Variants in KDM2A observed in about 807,000 individuals in gnomAD.
The protein encoded by KDM2A is lysine-specific demethylase 2A.
In KDM2A, 3 loss-of-function variants were observed where a neutral mutation model predicts 137.3. The ratio of observed to expected loss-of-function variants is 0.02; its 90% confidence interval spans 0.01 to 0.06. The LOEUF (loss-of-function observed/expected upper bound fraction) is 0.06. KDM2A is among the 10% of genes least tolerant of loss of function. The pLI, the probability that KDM2A is intolerant of heterozygous loss-of-function variation, is 1.00. For synonymous variants in KDM2A, 512 were observed against 541.5 expected (o/e 0.95, Z 0.76); for missense variants, 738 against 1,510.6 (o/e 0.49, Z 8.48).
chr11:67,203,432 AAAT>A (rs201251880), intron 5 of KDM2A, among the ~76,000 whole-genome samples: 105,617 of 144,288 alleles, frequency 0.73, 44,122 homozygotes, highest in Non-Finnish European at 0.94. Flanking sequence ...AGTCTATAAT[AAAT>A]AATATATTAA....
chr11:67,192,607 G>T (rs539415865), intron 5 of KDM2A, among the ~76,000 whole-genome samples: 21 of 151,446 alleles, frequency 1.4e-4, no homozygotes, highest in Non-Finnish European at 2.5e-4. Context: ...ACCATGCCTG[G>T]TCAATTTTGT....
chr11:67,254,138 T>A lies in KDM2A; in HGVS notation c.3092-65T>A. The A allele has an allele frequency of 2.7e-6, 4 of 1,459,140 alleles. No individual in the cohort carries two copies. The highest frequency in any genetic ancestry group is 3.8e-6 in the Non-Finnish European group (4 of 1,066,328). 90.4% of individuals were successfully genotyped at this position (1,459,140 alleles called of 1,614,324 possible). ...TGGCCAGCAAGTAGCTGTTGCTGCCTGGAGCCTTGAAGCTGGATTAGAGAA... is the reference window on the plus strand; with the variant it reads ...TGGCCAGCAAGTAGCTGTTGCTGCCAGGAGCCTTGAAGCTGGATTAGAGAA... On this transcript the variant is annotated intron_variant, in intron 19 of 20. Transcript: ENST00000529006. This position sits in a 1 kb window ranked among gnomAD's most constrained non-coding sequence, Gnocchi z 4.7.
At position 67,245,028 on chromosome 11, in the gene KDM2A, G is replaced by C; in HGVS notation, c.1564-161G>C. On this transcript the variant is annotated intron_variant, in intron 13 of 20. Transcript: ENST00000529006. The surrounding 1 kb of genome is among the most constrained non-coding windows in gnomAD (Gnocchi z 4.1). The stretch of plus-strand genomic sequence containing the variant: ...GCAGCCATTGATAATACATACACAA[G>C]ATGAGTTGTGTGTCAATAAAATTTA... 1 of 674,166 alleles carries C rather than the reference G, an allele frequency of 1.5e-6. No homozygotes were observed. The highest frequency in any genetic ancestry group is 2.5e-6 in the Non-Finnish European group (1 of 397,940). The allele number at this position is 674,166 out of a possible 1,614,324, so 41.8% of individuals were successfully genotyped here.
At chr11:67,159,937 T>G (rs1856599293) in intron 2 of KDM2A, among the ~76,000 whole-genome samples, 1 of 152,146 alleles carries the variant, frequency 6.6e-6, no homozygotes, top group Non-Finnish European at 1.5e-5. Context: ...AGATGGATAG[T>G]GGTATTGATT....
intron 2 of KDM2A, among the ~76,000 whole-genome samples, chr11:67,134,725 G>A (rs1157681988): frequency 1.3e-5 from 2 of 151,914 alleles, no homozygotes; most frequent in African/African-American, 4.8e-5. Flanking sequence ...GGCTGGTCTC[G>A]AACTTCTGAC....
At chr11:67,216,065 C>T (rs1031030237) in intron 8 of KDM2A, 116 bp downstream of exon 8, 23 of 795,084 alleles carry the variant, frequency 2.9e-5, no homozygotes, top group African/African-American at 6.8e-5. Context: ...TGTCCCCATT[C>T]GTATCTGGAA....
intron 2 of KDM2A, among the ~76,000 whole-genome samples, chr11:67,166,742 A>AGG (rs1461742423): frequency 6.6e-6 from 1 of 152,040 alleles, no homozygotes; most frequent in Non-Finnish European, 1.5e-5. Flanking sequence ...GGGACCAAGA[A>AGG]GGGAGTACAC....
At position 67,254,522 on chromosome 11, in the gene KDM2A, ACATC is replaced by A; in HGVS notation, c.3307+105_3307+108del. ...TGACCTTGGGTCTGTTGATTGACCCACATCAGCTCATTTCTTCACATCTGGACAA... is the reference window on the plus strand; with the variant it reads ...TGACCTTGGGTCTGTTGATTGACCCAAGCTCATTTCTTCACATCTGGACAA... On this transcript the variant is annotated intron_variant, in intron 20 of 20. Transcript: ENST00000529006. This position sits in a 1 kb window ranked among gnomAD's most constrained non-coding sequence, Gnocchi z 4.7. 1.1e-6 allele frequency: 1 copy of A among 947,454 alleles called. No homozygotes were observed. Among genetic ancestry groups the A allele is most frequent in the Non-Finnish European group, 1.7e-6 (1 of 596,586 alleles). 58.7% of individuals were successfully genotyped at this position (947,454 alleles called of 1,614,324 possible).
intron 2 of KDM2A, among the ~76,000 whole-genome samples, chr11:67,147,812 C>T (rs7938436): frequency 1.3e-4 from 19 of 151,624 alleles, no homozygotes; most frequent in Middle Eastern, 3.4e-3. Flanking sequence ...CAAGTAGCTG[C>T]GATTACAGGC....
At chr11:67,197,517 G>T (rs1857510987) in intron 5 of KDM2A, among the ~76,000 whole-genome samples, 2 of 152,134 alleles carry the variant, frequency 1.3e-5, no homozygotes, top group South Asian at 2.1e-4. Context: ...AAGTCTGGGT[G>T]TTTTTTTGTT....
In KDM2A at chr11:67,176,262, C is replaced by CT. The variant is rs532518888; in HGVS notation, c.43-3815dup. 1.7e-4 allele frequency among the ~76,000 whole-genome samples: 26 copies of CT among 152,170 alleles called. No individual in the cohort carries two copies. The East Asian group carries it at 4.6e-3, about 27-fold the overall frequency. ...AGTTTATTTCTTTCATTTTTTATGA[C>CT]TTATTTCTGCCCTTTCACAGACTTC... is the stretch of plus-strand genomic sequence containing the variant. On this transcript the variant is annotated intron_variant, in intron 2 of 20. Transcript: ENST00000529006.
At chr11:67,154,680 C>T (rs1174521554) in intron 2 of KDM2A, among the ~76,000 whole-genome samples, 3 of 152,076 alleles carry the variant, frequency 2.0e-5, no homozygotes, top group African/African-American at 7.2e-5. Context: ...CTCAGGTGAT[C>T]CACCTGCCTT....
chr11:67,157,638 G>A (rs1342171572), intron 2 of KDM2A, among the ~76,000 whole-genome samples: 1 of 151,332 alleles, frequency 6.6e-6, no homozygotes, highest in Non-Finnish European at 1.5e-5. Context: ...CCAGCTACTC[G>A]GGAGGCTGAG....
intron 2 of KDM2A, among the ~76,000 whole-genome samples, chr11:67,138,326 G>C (rs944831717): frequency 6.6e-6 from 1 of 152,156 alleles, no homozygotes; most frequent in African/African-American, 2.4e-5. Context: ...CACAGTAAGT[G>C]AATTTCAACA....
intron 8 of KDM2A, 106 bp from the exon 9 acceptor site, chr11:67,217,625 C>T: frequency 8.8e-7 from 1 of 1,130,956 alleles, no homozygotes; most frequent in Non-Finnish European, 1.3e-6. Flanking sequence ...AAATTGCTTG[C>T]CTTTCTTCTA....
chr11:67,172,160 AT>A (rs1234657840), intron 2 of KDM2A, among the ~76,000 whole-genome samples: 10 of 148,342 alleles, frequency 6.7e-5, no homozygotes, highest in African/African-American at 7.4e-5. Flanking sequence ...TGGCTAATAT[AT>A]TTTTTTTTTG....
intron 9 of KDM2A, among the ~76,000 whole-genome samples, chr11:67,218,392 C>A (rs1858234172): frequency 6.6e-6 from 1 of 152,176 alleles, no homozygotes; most frequent in African/African-American, 2.4e-5. Context: ...ATATTTAAAT[C>A]TGTGTCTCAT....
At chr11:67,215,815 T>C (rs1397074059) in intron 7 of KDM2A, 41 bp from the exon 8 acceptor site, 2 of 1,511,434 alleles carry the variant, frequency 1.3e-6, no homozygotes, top group Non-Finnish European at 9.2e-7. Flanking sequence ...GATGTACTTT[T>C]TTCCATCAGT....
chr11:67,203,376 G>T (rs528828059), intron 5 of KDM2A, among the ~76,000 whole-genome samples: 1 of 150,124 alleles, frequency 6.7e-6, no homozygotes, highest in East Asian at 1.9e-4. Context: ...TCCAAGATAT[G>T]GTTATACTAA....
Sources: allele counts gnomAD v4.1 joint callset (sites outside exome capture counted in the v4.1 genomes callset), GRCh38; gene constraint gnomAD v4.1.1; non-coding constraint Gnocchi (gnomAD v3.1); transcripts MANE v1.5; gene names NCBI Gene and HGNC (gene_info 2026-07-23, HGNC 2026-07-21).